Variants in KIF26B observed in about 807,000 individuals in gnomAD.
KIF26B encodes the protein kinesin family member 26B, also known as kinesin-like protein KIF26B.
In KIF26B, 63 loss-of-function variants were observed where a neutral mutation model predicts 151.2. The observed-to-expected ratio is 0.42, with a 90% CI of 0.34 to 0.51. The LOEUF (loss-of-function observed/expected upper bound fraction) is 0.51, where lower values mean the gene tolerates loss of function less well. KIF26B is among the 20% of genes least tolerant of loss of function. KIF26B has a pLI of 0.07. For missense variants in KIF26B, 2,813 were observed against 2,913.6 expected (o/e 0.97, Z 0.79); for synonymous variants, 1,357 against 1,262.1 (o/e 1.08, Z -1.59).
chr1:245,428,838 G>A (rs1458068873), intron 4 of KIF26B, among the ~76,000 whole-genome samples: 2 of 152,116 alleles, frequency 1.3e-5, no homozygotes, highest in African/African-American at 2.4e-5. Flanking sequence ...CTCAGTTCAT[G>A]TCTTGATGTG....
At chr1:245,659,076 A>T (rs916594172) in intron 10 of KIF26B, among the ~76,000 whole-genome samples, 3 of 151,944 alleles carry the variant, frequency 2.0e-5, no homozygotes, top group African/African-American at 4.8e-5. Flanking sequence ...CAAAAAAAAA[A>T]TTTAAAAGTA....
rs111920764 is a variant in KIF26B at position 245,621,640 on chromosome 1, C to T, written c.2098+9664C>T. 5.6e-4 allele frequency among the ~76,000 whole-genome samples: 85 copies of T among 152,214 alleles called. 1 individual carries two copies. The highest frequency in any genetic ancestry group is 1.9e-3 in the African/African-American group (80 of 41,464). On this transcript the variant is annotated intron_variant, in intron 9 of 14. Transcript: ENST00000407071. ...CAAAATCTGGAAAGTCAGTGAGGAACCTGCTTCTTACCTGCTATTAATTAT... is the reference window on the plus strand; with the variant it reads ...CAAAATCTGGAAAGTCAGTGAGGAATCTGCTTCTTACCTGCTATTAATTAT...
At chr1:245,644,901 T>C (rs980192878) in intron 9 of KIF26B, among the ~76,000 whole-genome samples, 27 of 152,192 alleles carry the variant, frequency 1.8e-4, no homozygotes, top group African/African-American at 6.3e-4. Flanking sequence ...CTGCAAGCTA[T>C]ACAAGAAGCA....
chr1:245,643,723 CA>C (rs1320795296), intron 9 of KIF26B, among the ~76,000 whole-genome samples: 1 of 151,998 alleles, frequency 6.6e-6, no homozygotes, highest in Non-Finnish European at 1.5e-5. Flanking sequence ...ATTTTTAAGT[CA>C]AAAAATATCT....
At chr1:245,423,490 T>C (rs942891673) in intron 4 of KIF26B, among the ~76,000 whole-genome samples, 1 of 150,802 alleles carries the variant, frequency 6.6e-6, no homozygotes, top group Non-Finnish European at 1.5e-5. Context: ...TTTTTTTTTT[T>C]CACCGTAATC....
At chr1:245,684,502 CAGG>C (rs2044483977) in intron 11 of KIF26B, 107 bp downstream of exon 11, 5 of 1,188,344 alleles carry the variant, frequency 4.2e-6, no homozygotes, top group East Asian at 2.6e-5. Context: ...CCCCCAGCAT[CAGG>C]AGATGTGACT....
At chr1:245,442,775 A>G (rs1659141823) in intron 4 of KIF26B, among the ~76,000 whole-genome samples, 1 of 131,078 alleles carries the variant, frequency 7.6e-6, no homozygotes, top group Admixed American at 8.0e-5. Context: ...CATCTCCCTC[A>G]CTGTTCACCT....
chr1:245,309,139 G>A (rs948506334), intron 2 of KIF26B, among the ~76,000 whole-genome samples: 3 of 152,200 alleles, frequency 2.0e-5, no homozygotes, highest in African/African-American at 7.2e-5. Context: ...GCATAGCTGA[G>A]GGATGGAGGG....
chr1:245,345,008 G>GT (rs1196222001), intron 2 of KIF26B, among the ~76,000 whole-genome samples: 2 of 152,048 alleles, frequency 1.3e-5, no homozygotes, highest in African/African-American at 4.8e-5. Context: ...GGGTTCCATG[G>GT]TATCTTCACA....
chr1:245,435,118 T>C (rs1658882685), intron 4 of KIF26B, among the ~76,000 whole-genome samples: 1 of 146,926 alleles, frequency 6.8e-6, no homozygotes, highest in Non-Finnish European at 1.5e-5. Context: ...CATCCATCCA[T>C]CTCTCCATCT....
intron 2 of KIF26B, among the ~76,000 whole-genome samples, chr1:245,246,866 A>AAC (rs10623091): frequency 0.74 from 106,397 of 143,764 alleles, 39,055 homozygotes; most frequent in East Asian, 0.78. Context: ...GTAAGGGCAG[A>AAC]ACACACACAC....
At chr1:245,657,329 G>T (rs1158283059) in intron 10 of KIF26B, among the ~76,000 whole-genome samples, 2 of 152,124 alleles carry the variant, frequency 1.3e-5, no homozygotes, top group Non-Finnish European at 2.9e-5. Flanking sequence ...GCCTGAAATC[G>T]CGCGCTGAGA....
intron 2 of KIF26B, among the ~76,000 whole-genome samples, chr1:245,266,162 G>GA (rs1258778390): frequency 3.9e-5 from 6 of 152,082 alleles, no homozygotes; most frequent in Non-Finnish European, 7.4e-5. Context: ...GGATTTTAGA[G>GA]AAAATAGGAA....
chr1:245,353,412 C>T (rs1045042020), intron 2 of KIF26B, among the ~76,000 whole-genome samples: 5 of 152,164 alleles, frequency 3.3e-5, no homozygotes. Flanking sequence ...AAGATGGCAG[C>T]CTCTAAAGAG....
intron 3 of KIF26B, among the ~76,000 whole-genome samples, chr1:245,392,902 A>C (rs1437782392): frequency 1.3e-5 from 2 of 152,028 alleles, no homozygotes; most frequent in Non-Finnish European, 2.9e-5. Flanking sequence ...TGGGTGCGGT[A>C]GCTCATGCTT....
At position 245,199,374 on chromosome 1, in the gene KIF26B, G is replaced by A. The variant is rs145232225; in HGVS notation, c.465+42691G>A. 1.0e-3 allele frequency among the ~76,000 whole-genome samples: 154 copies of A among 152,244 alleles called. 1 individual carries two copies. The highest frequency in any genetic ancestry group is 3.0e-3 in the African/African-American group (123 of 41,562). ...CAGGGTGTATGTTGGATGGTAGTGC[G>A]TAGTTGATTAGGGGAGAATTCAGGT... On this transcript the variant is annotated intron_variant, in intron 2 of 14. Coordinates refer to ENST00000407071, the MANE Select transcript of KIF26B (RefSeq NM_018012.4).
At chr1:245,416,229 G>C (rs1361291051) in intron 3 of KIF26B, among the ~76,000 whole-genome samples, 1 of 115,938 alleles carries the variant, frequency 8.6e-6, no homozygotes, top group African/African-American at 3.5e-5. Context: ...GCAGTGAGCT[G>C]AGATCACGCC....
chr1:245,553,485 C>T (rs1417597572), intron 5 of KIF26B, among the ~76,000 whole-genome samples: 3 of 152,172 alleles, frequency 2.0e-5, no homozygotes, highest in African/African-American at 7.2e-5. Context: ...GCTCTCTTCC[C>T]TCATCATCTC....
At chr1:245,681,355 G>A (rs1173275191) in intron 10 of KIF26B, among the ~76,000 whole-genome samples, 1 of 152,024 alleles carries the variant, frequency 6.6e-6, no homozygotes, top group African/African-American at 2.4e-5. Context: ...GAATACAGGT[G>A]CCCGCCACCA....
Sources: allele counts gnomAD v4.1 joint callset (sites outside exome capture counted in the v4.1 genomes callset), GRCh38; gene constraint gnomAD v4.1.1; transcripts MANE v1.5; gene names NCBI Gene and HGNC (gene_info 2026-07-23, HGNC 2026-07-21).